Variants in CADM2 observed in about 807,000 individuals in gnomAD.
CADM2 encodes the protein immunoglobulin superfamily member 4D.
CADM2 carries 12 observed loss-of-function variants against 49.8 expected under a neutral mutation model. That is an observed-to-expected ratio of 0.24 (90% CI 0.15 to 0.39). CADM2 has a LOEUF of 0.39. CADM2 is among the 10% of genes least tolerant of loss of function. The pLI is 1.00. For synonymous variants in CADM2, 214 were observed against 175.4 expected (o/e 1.22, Z -1.74); for missense variants, 378 against 492.3 (o/e 0.77, Z 2.20).
chr3:85,467,734 G>C (rs1305125489), intron 1 of CADM2, among the ~76,000 whole-genome samples: 2 of 152,098 alleles, frequency 1.3e-5, no homozygotes, highest in Non-Finnish European at 2.9e-5. Context: ...TAGTAGGACT[G>C]GTCAAATTCA....
chr3:85,271,861 A>C, intron 1 of CADM2, among the ~76,000 whole-genome samples: 1 of 151,294 alleles, frequency 6.6e-6, no homozygotes, highest in East Asian at 1.9e-4. Context: ...TACTACCCAA[A>C]AAGAAAATAG....
At chr3:85,255,988 T>C (rs186498617) in intron 1 of CADM2, among the ~76,000 whole-genome samples, 27 of 152,212 alleles carry the variant, frequency 1.8e-4, no homozygotes, top group African/African-American at 6.3e-4. Context: ...GAGCCTGTTA[T>C]GTGAAAGCAC....
intron 7 of CADM2, among the ~76,000 whole-genome samples, chr3:85,960,160 TC>T (rs1341938445): frequency 5.9e-5 from 9 of 151,900 alleles, no homozygotes; most frequent in Non-Finnish European, 4.4e-5. Context: ...ACACTGCCAA[TC>T]TTCTTGTTTT....
At chr3:85,132,992 G>A (rs985807445) in intron 1 of CADM2, among the ~76,000 whole-genome samples, 1 of 152,026 alleles carries the variant, frequency 6.6e-6, no homozygotes, top group African/African-American at 2.4e-5. Context: ...TGGTGGGTTC[G>A]TGGTCTGGCT....
chr3:85,549,599 G>A (rs2061749946), intron 1 of CADM2, among the ~76,000 whole-genome samples: 1 of 151,950 alleles, frequency 6.6e-6, no homozygotes, highest in Non-Finnish European at 1.5e-5. Context: ...TTTACACTCT[G>A]TGGTTATTAA....
chr3:85,763,375 G>T (rs1397755148), intron 2 of CADM2, among the ~76,000 whole-genome samples: 1 of 152,098 alleles, frequency 6.6e-6, no homozygotes, highest in East Asian at 1.9e-4. Context: ...TTTCACTGTT[G>T]TATGGCACTT....
rs1174908425 is a variant in CADM2 at position 85,257,072 on chromosome 3, A to G, written c.61+297404A>G. ...TAATTACTTAATCATATTTTATGAT[A>G]AGAAAATTGAGAAATAGGGAGGTCC... is the stretch of plus-strand genomic sequence containing the variant. On this transcript the variant is annotated intron_variant, in intron 1 of 9. Transcript: ENST00000383699. 2.0e-5 allele frequency among the ~76,000 whole-genome samples: 3 copies of G among 152,144 alleles called. 1 individual carries two copies. Among genetic ancestry groups the G allele is most frequent in the African/African-American group, 7.2e-5 (3 of 41,454 alleles).
intron 3 of CADM2, among the ~76,000 whole-genome samples, chr3:85,862,972 G>A (rs2075592629): frequency 6.6e-6 from 1 of 152,142 alleles, no homozygotes; most frequent in Admixed American, 6.6e-5. Flanking sequence ...GGTTAGGAGA[G>A]GAAATGTTAT....
intron 1 of CADM2, among the ~76,000 whole-genome samples, chr3:85,268,840 G>C (rs892060590): frequency 1.3e-5 from 2 of 151,152 alleles, no homozygotes; most frequent in African/African-American, 4.8e-5. Flanking sequence ...GAACTATTAA[G>C]ATATGAAGTA....
intron 1 of CADM2, among the ~76,000 whole-genome samples, chr3:85,045,968 T>G (rs2035638894): frequency 6.6e-6 from 1 of 152,210 alleles, no homozygotes; most frequent in Admixed American, 6.6e-5. Context: ...TGAAAGAACA[T>G]CCCAAAAGAT....
intron 3 of CADM2, among the ~76,000 whole-genome samples, chr3:85,821,554 G>A (rs1284591340): frequency 1.3e-5 from 2 of 152,078 alleles, no homozygotes; most frequent in Non-Finnish European, 1.5e-5. Flanking sequence ...AAAGGGGGCT[G>A]TTTGTTTTTG....
intron 1 of CADM2, among the ~76,000 whole-genome samples, chr3:84,964,250 A>T (rs1450947042): frequency 2.0e-5 from 3 of 152,208 alleles, no homozygotes; most frequent in Admixed American, 1.3e-4. Context: ...AAATCACTTA[A>T]AGAGCAAAAT....
intron 1 of CADM2, among the ~76,000 whole-genome samples, chr3:85,312,506 A>T (rs1252811655): frequency 6.6e-6 from 1 of 152,048 alleles, no homozygotes; most frequent in Non-Finnish European, 1.5e-5. Context: ...ATTTGATTTC[A>T]TCATCTAGTT....
At chr3:85,676,644 T>C (rs2107646936) in intron 1 of CADM2, among the ~76,000 whole-genome samples, 1 of 152,264 alleles carries the variant, frequency 6.6e-6, no homozygotes, top group South Asian at 2.1e-4. Flanking sequence ...ATTAATCTAA[T>C]TGCTTTTTCA....
chr3:85,389,678 A>G (rs1220206658), intron 1 of CADM2, among the ~76,000 whole-genome samples: 1 of 152,044 alleles, frequency 6.6e-6, no homozygotes, highest in African/African-American at 2.4e-5. Flanking sequence ...GATTCTCCTT[A>G]ACTTTTCCAG....
intron 1 of CADM2, among the ~76,000 whole-genome samples, chr3:85,532,001 C>T (rs1399406594): frequency 6.6e-6 from 1 of 152,106 alleles, no homozygotes; most frequent in African/African-American, 2.4e-5. Flanking sequence ...CACGGTGAAA[C>T]CCCGTCTATA....
intron 1 of CADM2, among the ~76,000 whole-genome samples, chr3:85,118,906 C>T (rs1376603107): frequency 6.6e-6 from 1 of 152,074 alleles, no homozygotes; most frequent in African/African-American, 2.4e-5. Flanking sequence ...TGCACCACCA[C>T]ACCCAGCTAA....
intron 2 of CADM2, among the ~76,000 whole-genome samples, chr3:85,747,760 A>G (rs2068677746): frequency 6.6e-6 from 1 of 152,144 alleles, no homozygotes; most frequent in Non-Finnish European, 1.5e-5. Flanking sequence ...CATTAGTTTC[A>G]TAAATAACCA....
intron 1 of CADM2, among the ~76,000 whole-genome samples, chr3:85,581,243 A>G (rs1230572300): frequency 6.6e-6 from 1 of 152,124 alleles, no homozygotes; most frequent in Non-Finnish European, 1.5e-5. Context: ...CAATCAACAA[A>G]CAACAGAAAT....
Sources: allele counts gnomAD v4.1 joint callset (sites outside exome capture counted in the v4.1 genomes callset), GRCh38; gene constraint gnomAD v4.1.1; transcripts MANE v1.5; gene names NCBI Gene and HGNC (gene_info 2026-07-23, HGNC 2026-07-21).